ANKRD30B: variants seen among roughly 807,000 people sequenced by gnomAD.
ANKRD30B encodes the protein ankyrin repeat domain-containing protein 30B.
Under a neutral mutation model 202.2 loss-of-function variants are expected in ANKRD30B, and 144 were observed. That is an observed-to-expected ratio of 0.71 (90% CI 0.62 to 0.82). The LOEUF (loss-of-function observed/expected upper bound fraction) is 0.82. Ranked by LOEUF, ANKRD30B falls within the 40% of genes least tolerant of loss-of-function variation. The pLI is 0.00. For missense variants in ANKRD30B, 1,487 were observed against 1,669.1 expected (o/e 0.89, Z 1.90); for synonymous variants, 508 against 561.3 (o/e 0.91, Z 1.34).
At chr18:14,771,522 A>T (rs1361521043) in intron 8 of ANKRD30B, among the ~76,000 whole-genome samples, 1 of 152,208 alleles carries the variant, frequency 6.6e-6, no homozygotes, top group African/African-American at 2.4e-5. Context: ...AATATTCCGA[A>T]TAACAAATAT....
the ANKRD30B span, chr18:14,888,909 A>G: frequency 9.6e-7 from 1 of 1,043,236 alleles, no homozygotes; most frequent in Non-Finnish European, 1.4e-6. Context: ...TGTTAAAACA[A>G]ACAAACAAAC....
chr18:14,930,290 G>C, the ANKRD30B span, among the ~76,000 whole-genome samples: 3 of 149,390 alleles, frequency 2.0e-5, no homozygotes, highest in African/African-American at 7.4e-5. Flanking sequence ...TTCCTTGAGT[G>C]AAATATACAC....
the ANKRD30B span, among the ~76,000 whole-genome samples, chr18:14,880,061 G>A: frequency 1.3e-5 from 2 of 151,984 alleles, no homozygotes; most frequent in Non-Finnish European, 2.9e-5. Flanking sequence ...TTTTGTATAA[G>A]GTGAGAGATG....
intron 1 of ANKRD30B, among the ~76,000 whole-genome samples, chr18:14,749,168 C>T (rs1284542865): frequency 2.6e-5 from 4 of 152,198 alleles, no homozygotes; most frequent in South Asian, 2.1e-4. Flanking sequence ...AAGGAAACTT[C>T]GAGGTGGGAA....
chr18:14,848,383 A>G (rs1198346286), intron 39 of ANKRD30B, among the ~76,000 whole-genome samples: 2 of 152,020 alleles, frequency 1.3e-5, no homozygotes, highest in Non-Finnish European at 2.9e-5. Flanking sequence ...TTCCTTTTCA[A>G]TCTTTGTTCC....
intron 7 of ANKRD30B, among the ~76,000 whole-genome samples, chr18:14,768,948 A>G (rs776232732): frequency 1.3e-5 from 2 of 152,216 alleles, no homozygotes; most frequent in Non-Finnish European, 2.9e-5. Flanking sequence ...TTTGAGAACT[A>G]TAAAGGAGGG....
intron 8 of ANKRD30B, among the ~76,000 whole-genome samples, chr18:14,771,816 C>A (rs967097669): frequency 6.6e-6 from 1 of 152,112 alleles, no homozygotes; most frequent in African/African-American, 2.4e-5. Context: ...AAGTAGATTT[C>A]CAGTTCATCA....
At chr18:14,927,434 C>A in the ANKRD30B span, among the ~76,000 whole-genome samples, 5 of 152,160 alleles carry the variant, frequency 3.3e-5, no homozygotes, top group African/African-American at 4.8e-5. Flanking sequence ...TTGCATCCTG[C>A]ACATACTGAG....
At chr18:14,807,789 T>C (rs1306796056) in intron 24 of ANKRD30B, among the ~76,000 whole-genome samples, 2 of 150,972 alleles carry the variant, frequency 1.3e-5, no homozygotes, top group African/African-American at 4.9e-5. Context: ...TCTTCGGGTT[T>C]CCAAGGTTCT....
downstream of ANKRD30B, among the ~76,000 whole-genome samples, chr18:14,855,805 T>G (rs1330852780): frequency 7.1e-6 from 1 of 141,296 alleles, no homozygotes; most frequent in South Asian, 2.3e-4. Flanking sequence ...GAGGTGCTCC[T>G]CATTTCCCAG....
chr18:14,854,832 A>AACACACACACAC (rs56259305), downstream of ANKRD30B, among the ~76,000 whole-genome samples: 5 of 134,104 alleles, frequency 3.7e-5, no homozygotes, highest in African/African-American at 1.4e-4. Flanking sequence ...ACTATCCACG[A>AACACACACACAC]ACACACACAC....
chr18:14,757,825 A>G lies in ANKRD30B; in HGVS notation c.628A>G (p.Met210Val). The change falls in exon 5 of 44, where the codon ATG becomes GTG. Residue 210 changes from methionine to valine, a missense_variant. Physicochemically the swap from Met to Val is conservative, Grantham distance 21. Around this residue, in one of 6 missense-constraint regions of ANKRD30B, gnomAD observed 889 missense variants for 841.4 expected, o/e 1.06. Coordinates refer to ENST00000690538, the MANE Select transcript of ANKRD30B (RefSeq NM_001367607.2). ...AFNESKCTAL[M>V]LAICEGSSEI... ...TCTTTGTTATTTTAGCACAGCCCTC[A>G]TGCTTGCCATATGTGAAGGCTCATC... is the stretch of plus-strand genomic sequence containing the variant. The G allele has an allele frequency of 6.2e-7, 1 of 1,613,282 alleles. No homozygotes were observed. The highest frequency in any genetic ancestry group is 8.5e-7 in the Non-Finnish European group (1 of 1,179,770).
At chr18:14,854,874 CACA>C (rs1972032237), downstream of ANKRD30B, among the ~76,000 whole-genome samples, 1 of 151,614 alleles carries the variant, frequency 6.6e-6, no homozygotes, top group East Asian at 1.9e-4. Flanking sequence ...CACACACACA[CACA>C]CACGCTCTAC....
chr18:14,814,502 C>G (rs1461883708), intron 29 of ANKRD30B, 119 bp from the exon 30 acceptor site: 4 of 427,394 alleles, frequency 9.4e-6, no homozygotes, highest in Admixed American at 2.9e-5. Flanking sequence ...GCTCTTAAGT[C>G]GAATTCCTTA....
Position 14,796,353 on chromosome 18 carries a change from G to C in ANKRD30B, c.1865G>C (p.Gly622Ala). The change falls in exon 18 of 44, where the codon GGA becomes GCA. Residue 622 changes from glycine to alanine, a missense_variant. Transcript: ENST00000690538. ...TCCAAACCCATTTAGCCTACCTGTG[G>C]AAGGAAAGTTTCTCTTCCAAATAAA... Reference protein sequence around the residue: ...VKDGLLKPTCGRKVSLPNKAL... With the variant: ...VKDGLLKPTCARKVSLPNKAL... 6.3e-7 allele frequency: 1 copy of C among 1,585,388 alleles called. No homozygotes were observed.
Position 14,851,949 on chromosome 18 carries a change from T to C in ANKRD30B, c.4005T>C (p.Asn1335=), listed in dbSNP as rs1328966986. ...AGDAPLQGIM[N]VDVSNTIYNN... is the part of the protein sequence containing the mutation. Reference sequence around the variant, plus strand: ...ATGCTCCTTTGCAAGGAATAATGAATGTTGATGTGAGTAATACAATATATA... The same window carrying C: ...ATGCTCCTTTGCAAGGAATAATGAACGTTGATGTGAGTAATACAATATATA... The change falls in exon 42 of 44, where the codon AAT becomes AAC. Residue 1335 remains asparagine, a synonymous_variant. Transcript: ENST00000690538. The C allele has an allele frequency of 2.5e-6, 4 of 1,603,808 alleles. No homozygotes were observed. In the African/African-American group the frequency reaches 4.0e-5, roughly 16 times the overall value.
intron 30 of ANKRD30B, among the ~76,000 whole-genome samples, chr18:14,820,737 T>G (rs1198034400): frequency 1.3e-5 from 2 of 152,050 alleles, no homozygotes; most frequent in African/African-American, 2.4e-5. Context: ...TGGATAAGCT[T>G]TTTGATGTGC....
the ANKRD30B span, among the ~76,000 whole-genome samples, chr18:14,898,181 C>G: frequency 9.9e-5 from 15 of 151,690 alleles, no homozygotes; most frequent in Non-Finnish European, 1.9e-4. Flanking sequence ...TTTATTCTAA[C>G]TTTTATAGTT....
chr18:14,921,460 A>C, the ANKRD30B span, among the ~76,000 whole-genome samples: 1 of 152,150 alleles, frequency 6.6e-6, no homozygotes, highest in Admixed American at 6.5e-5. Context: ...TGAGCAGGAG[A>C]CACAACCCAA....
Sources: allele counts gnomAD v4.1 joint callset (sites outside exome capture counted in the v4.1 genomes callset), GRCh38; gene constraint gnomAD v4.1.1; regional missense constraint gnomAD v4.1.1; transcripts MANE v1.5; gene names NCBI Gene and HGNC (gene_info 2026-07-23, HGNC 2026-07-21).